The following GRM1 variants were observed in gnomAD, a reference collection of about 807,000 sequenced individuals.
GRM1 encodes metabotropic glutamate receptor 1.
GRM1 carries 33 observed loss-of-function variants against 90.9 expected under a neutral mutation model. The observed-to-expected ratio is 0.36, with a 90% confidence interval of 0.28 to 0.49. The LOEUF (loss-of-function observed/expected upper bound fraction) is 0.49, where lower values mean the gene tolerates loss of function less well. Ranked by LOEUF, GRM1 falls within the 20% of genes least tolerant of loss-of-function variation. The pLI, the probability that GRM1 is intolerant of heterozygous loss-of-function variation, is 0.99. For synonymous variants in GRM1, 700 were observed against 613.2 expected, an observed-to-expected ratio of 1.14 and a Z score of -2.09; for missense variants, 1,190 against 1,534.3, an observed-to-expected ratio of 0.78 and a Z score of 3.75.
At chr6:146,277,399 G>T (rs964203451) in intron 2 of GRM1, among the ~76,000 whole-genome samples, 2 of 152,140 alleles carry the variant, frequency 1.3e-5, no homozygotes, top group African/African-American at 4.8e-5. Context: ...CCCAGCACCG[G>T]TTAGATCAAA....
intron 3 of GRM1, among the ~76,000 whole-genome samples, chr6:146,321,421 G>T (rs1784185360): frequency 6.6e-6 from 1 of 152,192 alleles, no homozygotes; most frequent in Non-Finnish European, 1.5e-5. Context: ...GTGCGATGTG[G>T]TGCTGAGAAG....
intron 2 of GRM1, among the ~76,000 whole-genome samples, chr6:146,220,580 T>C (rs1350190730): frequency 6.6e-6 from 1 of 152,208 alleles, no homozygotes; most frequent in East Asian, 1.9e-4. Flanking sequence ...CAGAAACTGC[T>C]GAATATTTTT....
intron 3 of GRM1, among the ~76,000 whole-genome samples, chr6:146,321,753 A>C (rs1784197933): frequency 6.6e-6 from 1 of 151,886 alleles, no homozygotes; most frequent in Admixed American, 6.6e-5. Flanking sequence ...GTTTTGGTTT[A>C]AAGTCTGTTT....
intron 1 of GRM1, among the ~76,000 whole-genome samples, chr6:146,142,831 C>T (rs1776936654): frequency 6.6e-6 from 1 of 152,150 alleles, no homozygotes. Context: ...AGAAATTCTA[C>T]CCAAGAACCA....
At chr6:146,075,831 A>G (rs1288633040) in intron 1 of GRM1, among the ~76,000 whole-genome samples, 1 of 152,094 alleles carries the variant, frequency 6.6e-6, no homozygotes. Context: ...ATCTCTTCAC[A>G]TGGGCCTCTA....
chr6:146,146,972 T>TGG (rs1777133985), intron 1 of GRM1, among the ~76,000 whole-genome samples: 6 of 152,198 alleles, frequency 3.9e-5, no homozygotes, highest in African/African-American at 1.4e-4. Context: ...CTCAAGTCCA[T>TGG]TTACTGGCTA....
chr6:146,040,932 T>G (rs1284977900), intron 1 of GRM1, among the ~76,000 whole-genome samples: 1 of 151,832 alleles, frequency 6.6e-6, no homozygotes, highest in Non-Finnish European at 1.5e-5. Context: ...TCTTTATTCC[T>G]TTTCTTTTTT....
intron 7 of GRM1, among the ~76,000 whole-genome samples, chr6:146,422,925 AGAG>A (rs1360222042): frequency 6.8e-6 from 1 of 147,426 alleles, no homozygotes; most frequent in South Asian, 2.4e-4. Context: ...AGGAATGGGA[AGAG>A]GAGGAGAGGA....
At chr6:146,075,373 G>T (rs1256072105) in intron 1 of GRM1, among the ~76,000 whole-genome samples, 1 of 152,128 alleles carries the variant, frequency 6.6e-6, no homozygotes, top group African/African-American at 2.4e-5. Flanking sequence ...GAACAAAATT[G>T]TTTGTCCTCA....
rs149053662 is a variant in GRM1 at position 146,131,948 on chromosome 6, T to C, written c.701-27400T>C. ...ATGAGGAAGAGACAGAGCTGAAACC[T>C]GGATGATGAATAGGAGTAAGCCTAG... On this transcript the variant is annotated intron_variant, in intron 1 of 7. Transcript: ENST00000282753. Among the ~76,000 whole-genome samples, 239 of 152,276 alleles carry C rather than the reference T, an allele frequency of 1.6e-3. 2 individuals carry two copies. The highest frequency in any genetic ancestry group is 3.5e-3 in the Admixed American group (54 of 15,298).
chr6:146,202,936 T>C (rs755436908), intron 2 of GRM1, among the ~76,000 whole-genome samples: 39 of 151,970 alleles, frequency 2.6e-4, no homozygotes, highest in South Asian at 6.2e-4. Context: ...TGGCTCACGT[T>C]TGTAATCCCA....
chr6:146,092,821 A>G (rs1776757369), intron 1 of GRM1, among the ~76,000 whole-genome samples: 1 of 152,114 alleles, frequency 6.6e-6, no homozygotes, highest in African/African-American at 2.4e-5. Flanking sequence ...CTCCCACTGG[A>G]AACATTGTTC....
intron 1 of GRM1, among the ~76,000 whole-genome samples, chr6:146,084,123 T>C (rs1776460768): frequency 6.6e-6 from 1 of 152,166 alleles, no homozygotes; most frequent in Non-Finnish European, 1.5e-5. Context: ...TTCTTCTCTC[T>C]TTTCTTCTTT....
At chr6:146,423,661 G>A (rs988341125) in intron 7 of GRM1, among the ~76,000 whole-genome samples, 11 of 152,204 alleles carry the variant, frequency 7.2e-5, no homozygotes, top group Non-Finnish European at 1.3e-4. Flanking sequence ...TCCAATTTCC[G>A]GGAGACACAG....
At chr6:146,266,965 G>C (rs773473739) in intron 2 of GRM1, among the ~76,000 whole-genome samples, 1 of 152,214 alleles carries the variant, frequency 6.6e-6, no homozygotes, top group Non-Finnish European at 1.5e-5. Flanking sequence ...TGCCACAGTA[G>C]TTTGCTGCAC....
intron 2 of GRM1, among the ~76,000 whole-genome samples, chr6:146,166,548 T>C (rs1777911062): frequency 6.6e-6 from 1 of 152,134 alleles, no homozygotes; most frequent in South Asian, 2.1e-4. Context: ...TAAAAAACAA[T>C]TTGCAGTTCT....
rs1309663757 is a variant in GRM1 at position 146,304,716 on chromosome 6, T to C, written c.1056T>C (p.Asp352=). Residue 352 remains aspartate, a synonymous_variant, in exon 3 of 8, where the codon GAT becomes GAC. Coordinates refer to ENST00000282753, the MANE Select transcript of GRM1 (RefSeq NM_001278064.2). ...LQSPEVRSFD[D]YFLKLRLDTN... ...CTCCAGAGGTCAGGTCATTTGATGA[T>C]TATTTCCTGAAACTGAGGCTGGACA... The C allele has an allele frequency of 6.2e-7, 1 of 1,613,812 alleles. No homozygotes were observed. The highest frequency in any genetic ancestry group is 1.7e-5 in the Admixed American group (1 of 59,982).
intron 3 of GRM1, among the ~76,000 whole-genome samples, chr6:146,318,148 C>A (rs1246934549): frequency 1.3e-5 from 2 of 152,158 alleles, no homozygotes; most frequent in Non-Finnish European, 2.9e-5. Context: ...TATCACTCCC[C>A]TAGCCCCCTA....
chr6:146,215,604 T>C (rs913687062), intron 2 of GRM1, among the ~76,000 whole-genome samples: 2 of 151,906 alleles, frequency 1.3e-5, no homozygotes, highest in Non-Finnish European at 2.9e-5. Flanking sequence ...TTTAATAATA[T>C]TTCTGATATT....
Sources: gnomAD v4.1 joint callset for allele counts (sites outside exome capture counted in the v4.1 genomes callset) on GRCh38, gnomAD v4.1.1 for gene constraint, MANE v1.5 for transcripts, NCBI Gene and HGNC (gene_info 2026-07-23, HGNC 2026-07-21) for gene names.